STXBP4: variants seen among roughly 807,000 people sequenced by gnomAD.
STXBP4 encodes syntaxin binding protein 4.
A neutral mutation model predicts 76.1 loss-of-function variants in STXBP4; 55 were observed. The observed-to-expected ratio is 0.72, with a 90% CI of 0.58 to 0.91. The LOEUF (loss-of-function observed/expected upper bound fraction) is 0.91. STXBP4 is among the 40% of genes least tolerant of loss of function. The probability of loss-of-function intolerance (pLI) is 0.00; values close to 1 mark genes in which losing one functional copy is unlikely to be tolerated. For synonymous variants in STXBP4, 201 were observed against 220.2 expected (o/e 0.91, Z 0.77); for missense variants, 618 against 636.9 (o/e 0.97, Z 0.32).
At chr17:55,123,501 G>A (rs1034817472) in intron 16 of STXBP4, among the ~76,000 whole-genome samples, 1 of 152,100 alleles carries the variant, frequency 6.6e-6, no homozygotes, top group Non-Finnish European at 1.5e-5. Context: ...GAAGAGAAGA[G>A]ATAAAAGAGT....
intron 16 of STXBP4, among the ~76,000 whole-genome samples, chr17:55,135,381 C>T (rs2080018153): frequency 6.6e-6 from 1 of 151,858 alleles, no homozygotes; most frequent in Non-Finnish European, 1.5e-5. Flanking sequence ...TTTCCTCAAA[C>T]AACAATGATG....
chr17:55,142,455 G>T (rs756993317), intron 17 of STXBP4, among the ~76,000 whole-genome samples: 1 of 152,080 alleles, frequency 6.6e-6, no homozygotes, highest in East Asian at 1.9e-4. Flanking sequence ...CTCATGCCCC[G>T]CAACTTTACA....
intron 17 of STXBP4, among the ~76,000 whole-genome samples, chr17:55,154,182 A>G (rs2080250694): frequency 6.6e-6 from 1 of 152,280 alleles, no homozygotes. Context: ...AGTCCTCTAC[A>G]TTCGGTTGGC....
the STXBP4 span, among the ~76,000 whole-genome samples, chr17:55,201,918 A>C: frequency 6.6e-6 from 1 of 152,232 alleles, no homozygotes; most frequent in Non-Finnish European, 1.5e-5. Context: ...AAGAGTGCTT[A>C]TTATGTTGCA....
chr17:55,175,570 T>C (rs1389844103), downstream of STXBP4, among the ~76,000 whole-genome samples: 1 of 151,970 alleles, frequency 6.6e-6, no homozygotes, highest in Non-Finnish European at 1.5e-5. Flanking sequence ...CTCATAGATA[T>C]GTGGTGAGGG....
chr17:54,980,190 A>G lies in STXBP4; in HGVS notation c.-156-5424A>G, dbSNP rs2077530069. Among the ~76,000 whole-genome samples the G allele has an allele frequency of 1.3e-5, 2 of 152,162 alleles. 1 individual carries two copies. Among genetic ancestry groups the G allele is most frequent in the South Asian group, 4.1e-4 (2 of 4,830 alleles). On this transcript the variant is annotated intron_variant, in intron 1 of 17. Coordinates refer to ENST00000376352, the MANE Select transcript of STXBP4 (RefSeq NM_178509.6). ...AATGAAGACATATAATCATATAATC[A>G]AGCAGAATTTGGGGTGGGAGGGAAA...
chr17:55,100,339 G>A (rs745673034), intron 16 of STXBP4, among the ~76,000 whole-genome samples: 1 of 152,178 alleles, frequency 6.6e-6, no homozygotes, highest in East Asian at 1.9e-4. Flanking sequence ...GGATGGGAAC[G>A]TAGCTTGTAG....
At chr17:55,208,998 C>T in the STXBP4 span, among the ~76,000 whole-genome samples, 3 of 152,040 alleles carry the variant, frequency 2.0e-5, no homozygotes, top group African/African-American at 7.2e-5. Flanking sequence ...AGGAGAATCA[C>T]CTGAACCTGG....
At chr17:55,179,232 A>G in the STXBP4 span, among the ~76,000 whole-genome samples, 1 of 152,148 alleles carries the variant, frequency 6.6e-6, no homozygotes. Context: ...CACTGGGACT[A>G]TTTAATACTC....
At chr17:55,098,698 C>T (rs1055611782) in intron 16 of STXBP4, among the ~76,000 whole-genome samples, 2 of 152,180 alleles carry the variant, frequency 1.3e-5, no homozygotes, top group Non-Finnish European at 2.9e-5. Context: ...AGTTTAATTG[C>T]CTACTATCAG....
intron 16 of STXBP4, among the ~76,000 whole-genome samples, chr17:55,101,194 T>C (rs2079559796): frequency 6.6e-6 from 1 of 152,156 alleles, no homozygotes; most frequent in African/African-American, 2.4e-5. Context: ...AAAATGACCT[T>C]CACAGTGGCA....
At chr17:55,212,111 C>T in the STXBP4 span, among the ~76,000 whole-genome samples, 1 of 151,844 alleles carries the variant, frequency 6.6e-6, no homozygotes. Context: ...TGAGCCACCG[C>T]GCCCTGCCGG....
chr17:55,091,205 G>T (rs2079409391), intron 16 of STXBP4, among the ~76,000 whole-genome samples: 1 of 152,124 alleles, frequency 6.6e-6, no homozygotes, highest in Non-Finnish European at 1.5e-5. Flanking sequence ...ATCCACTACA[G>T]GTGGGGAATA....
At chr17:55,181,668 C>T in the STXBP4 span, among the ~76,000 whole-genome samples, 4 of 152,130 alleles carry the variant, frequency 2.6e-5, no homozygotes, top group South Asian at 2.1e-4. Flanking sequence ...TAAAAATAAT[C>T]GCTAAAGTCA....
chr17:55,025,949 G>A (rs1479710187), intron 8 of STXBP4, among the ~76,000 whole-genome samples: 2 of 152,058 alleles, frequency 1.3e-5, no homozygotes, highest in African/African-American at 4.8e-5. Flanking sequence ...CAGTATACAA[G>A]ATCATATATA....
chr17:54,973,764 AC>A (rs1191161663), intron 1 of STXBP4, among the ~76,000 whole-genome samples: 1 of 152,202 alleles, frequency 6.6e-6, no homozygotes, highest in Admixed American at 6.5e-5. Context: ...GGCTAATCCA[AC>A]CCTGTTTTGT....
In STXBP4 at chr17:55,134,372, T is replaced by C. The variant is rs114348216; in HGVS notation, c.1490-6938T>C. 7.1e-3 allele frequency among the ~76,000 whole-genome samples: 1,073 copies of C among 152,178 alleles called. 16 individuals carry two copies. The highest frequency in any genetic ancestry group is 0.024 in the African/African-American group (1,015 of 41,526). On this transcript the variant is annotated intron_variant, in intron 16 of 17. Coordinates refer to ENST00000376352, the MANE Select transcript of STXBP4 (RefSeq NM_178509.6). ...TAACCATGAAAACTATCTCTTACCA[T>C]AACAAATTTAAAGTGTTTAGCTTAG...
chr17:55,205,575 A>T, the STXBP4 span, among the ~76,000 whole-genome samples: 1 of 152,056 alleles, frequency 6.6e-6, no homozygotes, highest in Non-Finnish European at 1.5e-5. Flanking sequence ...ACACACACAC[A>T]TATACACAAA....
intron 17 of STXBP4, among the ~76,000 whole-genome samples, chr17:55,151,280 A>T (rs1204580657): frequency 6.6e-6 from 1 of 152,154 alleles, no homozygotes; most frequent in Non-Finnish European, 1.5e-5. Context: ...GTGACCTTGG[A>T]TGGGGCTTTG....
Sources: gnomAD v4.1 joint callset for allele counts (sites outside exome capture counted in the v4.1 genomes callset) on GRCh38, gnomAD v4.1.1 for gene constraint, MANE v1.5 for transcripts, NCBI Gene and HGNC (gene_info 2026-07-23, HGNC 2026-07-21) for gene names.